PIGN: variants seen among roughly 807,000 people sequenced by gnomAD.
PIGN encodes phosphatidylinositol glycan anchor biosynthesis class N, also known as GPI ethanolamine phosphate transferase 1.
A neutral mutation model predicts 125.4 loss-of-function variants in PIGN; 117 were observed. The ratio of observed to expected loss-of-function variants is 0.93; its 90% CI spans 0.80 to 1.09. The LOEUF is 1.09. PIGN is among the 50% of genes least tolerant of loss of function. PIGN has a pLI of 0.00. For synonymous variants in PIGN, 392 were observed against 377.8 expected, an observed-to-expected ratio of 1.04 and a Z score of -0.44; for missense variants, 1,075 against 1,094.9, an observed-to-expected ratio of 0.98 and a Z score of 0.26.
At chr18:62,162,584 T>C (rs1194970191) in intron 2 of PIGN, 2 of 152,094 alleles carry the variant, frequency 1.3e-5, no homozygotes, top group Non-Finnish European at 2.9e-5. Context: ...GAAAACATGA[T>C]AGAGCAAAAG....
At chr18:62,079,490 CTGACT>C (rs1325185692) in intron 28 of PIGN, among the ~76,000 whole-genome samples, 2 of 152,132 alleles carry the variant, frequency 1.3e-5, no homozygotes, top group Admixed American at 1.3e-4. Context: ...AGATTTAAGA[CTGACT>C]TAAGAGCCTT....
intron 22 of PIGN, among the ~76,000 whole-genome samples, chr18:62,096,516 C>CTTTTTTTTTT (rs398033140): frequency 7.6e-4 from 65 of 85,644 alleles, no homozygotes; most frequent in African/African-American, 9.8e-4. Context: ...GAATTATTTT[C>CTTTTTTTTTT]TTTTTTTTTT....
intron 15 of PIGN, 105 bp from the exon 16 acceptor site, chr18:62,113,421 A>C (rs1340884250): frequency 1.4e-6 from 1 of 702,750 alleles, no homozygotes; most frequent in Non-Finnish European, 2.3e-6. Flanking sequence ...TGTTGTATTA[A>C]AATTAGTGAA....
chr18:62,055,620 T>C (rs935990906), intron 30 of PIGN, among the ~76,000 whole-genome samples: 1 of 152,166 alleles, frequency 6.6e-6, no homozygotes, highest in Non-Finnish European at 1.5e-5. Flanking sequence ...TATACTATAG[T>C]TCTGCATAAA....
chr18:62,181,205 C>G (rs554472021), intron 1 of PIGN, among the ~76,000 whole-genome samples: 15 of 152,202 alleles, frequency 9.9e-5, no homozygotes, highest in Admixed American at 7.8e-4. Context: ...GAAACAATAT[C>G]TAACCATAGG....
intron 6 of PIGN, among the ~76,000 whole-genome samples, chr18:62,155,060 A>G (rs542137969): frequency 7.4e-4 from 113 of 152,246 alleles, no homozygotes; most frequent in African/African-American, 2.6e-3. Flanking sequence ...TGTTGTACAA[A>G]CCTTCTTAAC....
chr18:62,138,975 T>C lies in PIGN; in HGVS notation c.1116+8A>G. On this transcript the variant is annotated splice_region_variant and intron_variant, in intron 13 of 30. Coordinates refer to ENST00000640252, the MANE Select transcript of PIGN (RefSeq NM_176787.5). Reference sequence around the variant, plus strand: ...TTTTGTGCGTGCCTTTTTGAATTTTTTTTTTACCTTGAACTGTTCAAGAAT... The same window carrying C: ...TTTTGTGCGTGCCTTTTTGAATTTTCTTTTTACCTTGAACTGTTCAAGAAT... The C allele has an allele frequency of 2.0e-6, 3 of 1,531,884 alleles. No individual in the cohort carries two copies. The highest frequency in any genetic ancestry group is 2.7e-6 in the Non-Finnish European group (3 of 1,124,560). The allele number at this position is 1,531,884 out of a possible 1,614,324, so 94.9% of individuals were successfully genotyped here. A position where few individuals can be genotyped will look rare whatever the true frequency, so the allele number is the denominator to read the frequency against.
intron 14 of PIGN, among the ~76,000 whole-genome samples, chr18:62,124,698 G>A (rs529834834): frequency 9.2e-5 from 14 of 152,250 alleles, no homozygotes; most frequent in South Asian, 2.1e-4. Flanking sequence ...TCAAATACCA[G>A]ACATCATATG....
intron 28 of PIGN, among the ~76,000 whole-genome samples, chr18:62,077,040 A>G (rs1173074784): frequency 6.6e-6 from 1 of 152,176 alleles, no homozygotes; most frequent in Non-Finnish European, 1.5e-5. Flanking sequence ...ATTCTACCCT[A>G]TGGACCCAGT....
In PIGN at chr18:62,045,933, A is replaced by G; in HGVS notation, c.2719T>C (p.Phe907Leu). The G allele has an allele frequency of 6.2e-7, 1 of 1,613,586 alleles. No individual in the cohort carries two copies. The highest frequency in any genetic ancestry group is 8.5e-7 in the Non-Finnish European group (1 of 1,179,690). The change falls in exon 31 of 31, where the codon TTC (phenylalanine) becomes CTC (leucine). Residue 907 changes from phenylalanine to leucine, a missense_variant. Physicochemically the swap from Phe to Leu is conservative, Grantham distance 22 (BLOSUM62 0). Coordinates refer to ENST00000640252, the MANE Select transcript of PIGN (RefSeq NM_176787.5). ...AGCAGCTGGGCCAGGCCATTGAGGA[A>G]CACCAAAAAGATGGTCATGGACATG... ...IVMSMTIFLV[F>L]LNGLAQLLTT...
chr18:62,083,626 G>T (rs564105458), intron 27 of PIGN, among the ~76,000 whole-genome samples: 185 of 151,236 alleles, frequency 1.2e-3, no homozygotes, highest in African/African-American at 2.9e-3. Context: ...TTTCTTTCTT[G>T]CTTGCTTGCT....
chr18:62,087,339 C>T (rs1453458160), intron 25 of PIGN, among the ~76,000 whole-genome samples: 1 of 152,114 alleles, frequency 6.6e-6, no homozygotes, highest in Non-Finnish European at 1.5e-5. Flanking sequence ...GTCAGGTAAA[C>T]TGAATAGATT....
At chr18:62,059,954 G>T (rs562793906) in intron 30 of PIGN, among the ~76,000 whole-genome samples, 28 of 152,062 alleles carry the variant, frequency 1.8e-4, no homozygotes, top group Non-Finnish European at 4.1e-4. Context: ...AAACAAAAAC[G>T]GTTTGTAAAA....
At position 62,041,399 on chromosome 18, in the gene PIGN, G is replaced by T. The variant is rs1167628294; in HGVS notation, c.*4457C>A. 2 of 152,082 alleles carry T rather than the reference G, an allele frequency of 1.3e-5. No individual in the cohort carries two copies. The highest frequency in any genetic ancestry group is 2.9e-5 in the Non-Finnish European group (2 of 68,026). 9.4% of individuals were successfully genotyped at this position (152,082 alleles called of 1,614,324 possible). ...CACATTAAGGGTTAAAGTAAAAATG[G>T]TATTCCAGTTCTCAGGGAAAAAAAT... is the stretch of plus-strand genomic sequence containing the variant. On this transcript the variant is annotated 3_prime_UTR_variant, in exon 31 of 31. Coordinates refer to ENST00000640252, the MANE Select transcript of PIGN (RefSeq NM_176787.5).
At chr18:62,138,059 G>T in intron 14 of PIGN, 184 bp downstream of exon 14, 1 of 795,210 alleles carries the variant, frequency 1.3e-6, no homozygotes, top group South Asian at 2.0e-5. Context: ...GCCATTCAAA[G>T]TTATCTAGCA....
intron 28 of PIGN, among the ~76,000 whole-genome samples, chr18:62,080,452 C>G (rs2033394848): frequency 6.6e-6 from 1 of 152,160 alleles, no homozygotes; most frequent in Non-Finnish European, 1.5e-5. Flanking sequence ...CCCTAACAAC[C>G]TTCCAGTTTA....
At chr18:62,108,858 G>T (rs1185757277) in intron 17 of PIGN, among the ~76,000 whole-genome samples, 3 of 152,196 alleles carry the variant, frequency 2.0e-5, no homozygotes, top group Admixed American at 1.3e-4. Context: ...AAAGTGCTGG[G>T]ATTACAGGCG....
intron 22 of PIGN, among the ~76,000 whole-genome samples, chr18:62,097,567 T>C (rs952100209): frequency 3.3e-4 from 50 of 151,916 alleles, no homozygotes; most frequent in African/African-American, 1.2e-3. Flanking sequence ...AGCCATCCCA[T>C]TACTGGGTAT....
rs1360656362 is a variant in PIGN at position 62,105,553 on chromosome 18, T to A, written c.1849A>T (p.Ile617Phe). The A allele has an allele frequency of 2.0e-6, 3 of 1,531,948 alleles. No individual in the cohort carries two copies. The highest frequency in any genetic ancestry group is 1.9e-5 in the Admixed American group (1 of 51,334). The allele number at this position is 1,531,948 out of a possible 1,614,324, so 94.9% of individuals were successfully genotyped here. The change falls in exon 20 of 31, where the codon ATC becomes TTC. Residue 617 changes from isoleucine (I) to phenylalanine (F), a missense_variant. By Grantham distance (21) the Ile-to-Phe change is conservative. Transcript: ENST00000640252. ...LMPVVGRKPD[I>F]SLVMGAGLLV... Reference sequence around the variant, plus strand: ...CAATATTATTCATACACTAGAGAGATGTCTGGCTTTCGACCTACAACCGGC... The same window carrying A: ...CAATATTATTCATACACTAGAGAGAAGTCTGGCTTTCGACCTACAACCGGC...
Sources: gnomAD v4.1 joint callset for allele counts (sites outside exome capture counted in the v4.1 genomes callset) on GRCh38, gnomAD v4.1.1 for gene constraint, MANE v1.5 for transcripts, NCBI Gene and HGNC (gene_info 2026-07-23, HGNC 2026-07-21) for gene names.